Variants in NEBL observed in about 807,000 individuals in gnomAD.
NEBL encodes nebulette.
NEBL carries 122 observed loss-of-function variants against 140.2 expected under a neutral mutation model. That is an observed-to-expected ratio of 0.87 (90% confidence interval 0.75 to 1.01). NEBL has a LOEUF of 1.01. NEBL is among the 50% of genes least tolerant of loss of function. The pLI is 0.00. For synonymous variants in NEBL, 436 were observed against 398.9 expected, an observed-to-expected ratio of 1.09 and a Z score of -1.11; for missense variants, 1,365 against 1,231.3, an observed-to-expected ratio of 1.11 and a Z score of -1.62.
At chr10:20,807,034 A>G (rs1026596504) in intron 26 of NEBL, among the ~76,000 whole-genome samples, 3 of 152,228 alleles carry the variant, frequency 2.0e-5, no homozygotes, top group Middle Eastern at 3.2e-3. Context: ...GTCCAAAAAA[A>G]GTAATCAGAG....
intron 2 of NEBL, among the ~76,000 whole-genome samples, chr10:21,036,034 G>T (rs1033508018): frequency 6.6e-6 from 1 of 151,944 alleles, no homozygotes. Context: ...ATGGTGGCGC[G>T]CACCTGTAAT....
chr10:20,940,857 A>G (rs1432851248), intron 4 of NEBL, among the ~76,000 whole-genome samples: 1 of 152,254 alleles, frequency 6.6e-6, no homozygotes, highest in African/African-American at 2.4e-5. Flanking sequence ...AAATTCCTCA[A>G]CACATACAAA....
intron 16 of NEBL, among the ~76,000 whole-genome samples, chr10:20,830,971 G>T (rs937686593): frequency 7.0e-6 from 1 of 143,024 alleles, no homozygotes; most frequent in Non-Finnish European, 1.5e-5. Flanking sequence ...AAGGAGCCCC[G>T]ACAGAGAGGC....
intron 2 of NEBL, among the ~76,000 whole-genome samples, chr10:21,042,698 A>G (rs1363060217): frequency 6.6e-6 from 1 of 152,178 alleles, no homozygotes; most frequent in Admixed American, 6.5e-5. Flanking sequence ...AAACACTGCA[A>G]ATCAGGCCTT....
intron 3 of NEBL, among the ~76,000 whole-genome samples, chr10:21,210,562 T>G (rs116306876): frequency 0.011 from 1,697 of 152,340 alleles, 26 homozygotes; most frequent in African/African-American, 0.039. Flanking sequence ...ATATGTATAT[T>G]TTTACAAACA....
intron 4 of NEBL, among the ~76,000 whole-genome samples, chr10:20,931,264 A>AT (rs202049624): frequency 3.3e-5 from 5 of 152,170 alleles, no homozygotes; most frequent in Non-Finnish European, 7.4e-5. Flanking sequence ...CTGCAATGAG[A>AT]TTTTTAAAAA....
chr10:21,180,318 G>A (rs1477203853), intron 3 of NEBL, among the ~76,000 whole-genome samples: 1 of 152,122 alleles, frequency 6.6e-6, no homozygotes, highest in African/African-American at 2.4e-5. Flanking sequence ...TCTCTCTTTA[G>A]GGAAATAATG....
chr10:21,288,760 C>CA (rs59316290), intron 1 of NEBL, among the ~76,000 whole-genome samples: 16,089 of 46,584 alleles, frequency 0.35, 2,283 homozygotes, highest in East Asian at 0.48. Context: ...ACTCCATCGC[C>CA]AAAAAAAAAA....
intron 4 of NEBL, among the ~76,000 whole-genome samples, chr10:20,939,265 G>C (rs1338630537): frequency 6.6e-6 from 1 of 152,212 alleles, no homozygotes; most frequent in Non-Finnish European, 1.5e-5. Flanking sequence ...CCAGAAGAGA[G>C]TGGGGGCCAA....
Position 20,845,382 on chromosome 10 carries a change from C to A in NEBL, c.1117-14G>T, listed in dbSNP as rs776641692. The A allele has an allele frequency of 2.1e-6, 3 of 1,442,126 alleles. No individual in the cohort carries two copies. The South Asian group carries it at 3.4e-5, about 16-fold the overall frequency. The allele number at this position is 1,442,126 out of a possible 1,614,324, so 89.3% of individuals were successfully genotyped here. A position where few individuals can be genotyped will look rare whatever the true frequency, so the allele number is the denominator to read the frequency against. ...TTTGTAAACTTTCTGTTAAATAAGA[C>A]CACATAATTTTAAAGTTAGCAAATA... On this transcript the variant is annotated splice_polypyrimidine_tract_variant and intron_variant, in intron 11 of 27. Coordinates refer to ENST00000377122, the MANE Select transcript of NEBL (RefSeq NM_006393.3).
intron 4 of NEBL, among the ~76,000 whole-genome samples, chr10:20,919,350 A>G (rs1466271016): frequency 6.6e-6 from 1 of 152,228 alleles, no homozygotes; most frequent in African/African-American, 2.4e-5. Flanking sequence ...TTCTATGCAC[A>G]TTGGAAGAAT....
Position 21,159,480 on chromosome 10 carries a change from A to G in NEBL, c.164+12903T>C, listed in dbSNP as rs574772837. On this transcript the variant is annotated intron_variant, in intron 2 of 6. Transcript: ENST00000417816. Reference sequence around the variant, plus strand: ...AGAGACTACGTGTTCTAAAGTCCTCACAACTGCTACCCCATCGACCAATTC... The same window carrying G: ...AGAGACTACGTGTTCTAAAGTCCTCGCAACTGCTACCCCATCGACCAATTC... Among the ~76,000 whole-genome samples the G allele has an allele frequency of 7.9e-5, 12 of 152,342 alleles. No homozygotes were observed. The South Asian group carries it at 8.3e-4, about 11-fold the overall frequency.
chr10:21,268,345 T>C (rs562368648), intron 1 of NEBL, among the ~76,000 whole-genome samples: 3 of 152,080 alleles, frequency 2.0e-5, no homozygotes, highest in South Asian at 2.1e-4. Context: ...CATAGTGGCA[T>C]GGTGGTATGC....
In NEBL at chr10:21,068,424, G is replaced by A. The variant is rs76005264; in HGVS notation, c.165-48223C>T. 3.9e-3 allele frequency among the ~76,000 whole-genome samples: 600 copies of A among 152,280 alleles called. 3 individuals are homozygous for A. The highest frequency in any genetic ancestry group is 0.014 in the African/African-American group (575 of 41,554). On this transcript the variant is annotated intron_variant, in intron 2 of 6. Transcript: ENST00000417816. ...TACTCTCCTGGCTACAGGGATGGCC[G>A]TGTGACTAGAATCAGGCCCAGCCAA...
At chr10:21,113,299 A>AAAAAAAAAAAAAAAAAAAAAC (rs1838127938) in intron 2 of NEBL, 1 of 331,706 alleles carries the variant, frequency 3.0e-6, no homozygotes, top group African/African-American at 2.3e-5. Flanking sequence ...CTAAAAAAAA[A>AAAAAAAAAAAAAAAAAAAAAC]AAAAAAACCA....
chr10:20,799,639 C>G (rs569523107), intron 26 of NEBL, among the ~76,000 whole-genome samples: 27 of 152,258 alleles, frequency 1.8e-4, no homozygotes, highest in African/African-American at 5.8e-4. Flanking sequence ...AATTCTCTTG[C>G]TGAATGCACA....
At chr10:21,270,528 A>G (rs1029757030) in intron 1 of NEBL, among the ~76,000 whole-genome samples, 2 of 151,968 alleles carry the variant, frequency 1.3e-5, no homozygotes, top group African/African-American at 4.8e-5. Flanking sequence ...CACCACACTC[A>G]GCTAATTTTT....
At chr10:21,275,076 T>C (rs963852841) in intron 1 of NEBL, among the ~76,000 whole-genome samples, 1 of 152,098 alleles carries the variant, frequency 6.6e-6, no homozygotes, top group African/African-American at 2.4e-5. Flanking sequence ...CCCACCACCA[T>C]GCAAGTGAAT....
intron 4 of NEBL, among the ~76,000 whole-genome samples, chr10:20,957,243 T>C (rs551357837): frequency 6.6e-6 from 1 of 152,314 alleles, no homozygotes; most frequent in East Asian, 1.9e-4. Context: ...ATCAGCAGTA[T>C]CCGTGTGAGC....
Sources: gnomAD v4.1 joint callset for allele counts (sites outside exome capture counted in the v4.1 genomes callset) on GRCh38, gnomAD v4.1.1 for gene constraint, MANE v1.5 for transcripts, NCBI Gene and HGNC (gene_info 2026-07-23, HGNC 2026-07-21) for gene names.